The following TAS2R1 variants were observed in gnomAD, a reference collection of about 807,000 sequenced individuals.
TAS2R1 encodes the protein taste 2 receptor member 1.
For synonymous variants in TAS2R1, 141 were observed against 134.2 expected, an observed-to-expected ratio of 1.05 and a Z score of -0.35; for missense variants, 370 against 353.4, an observed-to-expected ratio of 1.05 and a Z score of -0.38.
chr5:9,818,657 C>T, the TAS2R1 span, among the ~76,000 whole-genome samples: 6 of 152,284 alleles, frequency 3.9e-5, no homozygotes, highest in African/African-American at 1.4e-4. Context: ...ACAAGTAAAG[C>T]GTTCAAGATC....
chr5:9,688,466 C>A (rs1421110247), intron 1 of TAS2R1, among the ~76,000 whole-genome samples: 3 of 152,128 alleles, frequency 2.0e-5, no homozygotes, highest in Admixed American at 6.5e-5. Flanking sequence ...TATTTCATGA[C>A]CTCCTCATCC....
the TAS2R1 span, among the ~76,000 whole-genome samples, chr5:9,718,089 A>G: frequency 5.9e-5 from 9 of 151,542 alleles, no homozygotes; most frequent in Non-Finnish European, 1.3e-4. Flanking sequence ...CTTCCTGAGT[A>G]GCTGGGACCA....
At chr5:9,834,172 C>T in the TAS2R1 span, among the ~76,000 whole-genome samples, 2 of 152,080 alleles carry the variant, frequency 1.3e-5, no homozygotes, top group Non-Finnish European at 2.9e-5. Flanking sequence ...CTGCGTCAAG[C>T]GCTCAGGAGC....
chr5:9,815,736 A>G, the TAS2R1 span, among the ~76,000 whole-genome samples: 2 of 152,132 alleles, frequency 1.3e-5, no homozygotes. Flanking sequence ...CATACTCAAC[A>G]TCTCACATGT....
the TAS2R1 span, among the ~76,000 whole-genome samples, chr5:9,832,234 C>T: frequency 1.1e-3 from 169 of 152,312 alleles, no homozygotes; most frequent in Non-Finnish European, 1.9e-3. Flanking sequence ...ACGAGCAACA[C>T]TTTTCCTTCT....
At chr5:9,668,656 A>T (rs1171557143) in intron 1 of TAS2R1, among the ~76,000 whole-genome samples, 4 of 152,202 alleles carry the variant, frequency 2.6e-5, no homozygotes, top group Non-Finnish European at 5.9e-5. Flanking sequence ...ATATCTGGCC[A>T]AATTAAGATT....
chr5:9,642,410 A>T (rs1740103871), intron 2 of TAS2R1, among the ~76,000 whole-genome samples: 2 of 152,204 alleles, frequency 1.3e-5, no homozygotes, highest in African/African-American at 4.8e-5. Flanking sequence ...CAACCCAGAC[A>T]TCCTTTCTGA....
intron 1 of TAS2R1, among the ~76,000 whole-genome samples, chr5:9,664,563 T>C (rs535087933): frequency 7.9e-5 from 12 of 152,362 alleles, no homozygotes; most frequent in Middle Eastern, 3.4e-3. Context: ...CTCTAGAAGA[T>C]GCCACAGTCT....
the TAS2R1 span, among the ~76,000 whole-genome samples, chr5:9,797,966 C>T: frequency 2.0e-5 from 3 of 152,048 alleles, no homozygotes; most frequent in Non-Finnish European, 2.9e-5. Context: ...GCATTATTCA[C>T]GATAGTTTAA....
chr5:9,867,447 A>T, the TAS2R1 span, among the ~76,000 whole-genome samples: 3 of 152,110 alleles, frequency 2.0e-5, no homozygotes, highest in Non-Finnish European at 4.4e-5. Flanking sequence ...GAAAGAGTGT[A>T]TGCAAGGGAT....
At chr5:9,676,076 T>C (rs1010389471) in intron 1 of TAS2R1, among the ~76,000 whole-genome samples, 1 of 152,192 alleles carries the variant, frequency 6.6e-6, no homozygotes, top group South Asian at 2.1e-4. Flanking sequence ...GTGTTAAAAT[T>C]TTGTCAATTT....
At chr5:9,873,960 G>C in the TAS2R1 span, among the ~76,000 whole-genome samples, 2 of 142,962 alleles carry the variant, frequency 1.4e-5, no homozygotes, top group Admixed American at 1.4e-4. Flanking sequence ...AGAAAGAAAA[G>C]AGAGAGAGAG....
At chr5:9,751,824 C>A in the TAS2R1 span, among the ~76,000 whole-genome samples, 1 of 152,200 alleles carries the variant, frequency 6.6e-6, no homozygotes, top group Non-Finnish European at 1.5e-5. Context: ...TTTTCTAACT[C>A]AATGTCCTAA....
chr5:9,738,171 A>T, the TAS2R1 span, among the ~76,000 whole-genome samples: 2 of 152,170 alleles, frequency 1.3e-5, no homozygotes, highest in African/African-American at 4.8e-5. Flanking sequence ...TTCAGGATAA[A>T]CTAGCACATT....
the TAS2R1 span, among the ~76,000 whole-genome samples, chr5:9,738,509 C>T: frequency 6.6e-6 from 1 of 152,196 alleles, no homozygotes; most frequent in African/African-American, 2.4e-5. Context: ...TCCAATAACA[C>T]CACCTTTGTT....
the TAS2R1 span, among the ~76,000 whole-genome samples, chr5:9,858,325 A>G: frequency 6.6e-6 from 1 of 152,112 alleles, no homozygotes; most frequent in South Asian, 2.1e-4. Flanking sequence ...TTACTGTGGC[A>G]GGCCCAGTGT....
the TAS2R1 span, among the ~76,000 whole-genome samples, chr5:9,834,778 C>T: frequency 2.0e-5 from 3 of 150,896 alleles, no homozygotes; most frequent in Non-Finnish European, 4.4e-5. Flanking sequence ...AACCCACAAA[C>T]CTCTGCCCAT....
chr5:9,729,657 C>T, the TAS2R1 span, among the ~76,000 whole-genome samples: 1 of 152,094 alleles, frequency 6.6e-6, no homozygotes, highest in Non-Finnish European at 1.5e-5. Flanking sequence ...TAGTTTAAAG[C>T]AGGCACGCGT....
chr5:9,722,875 T>G, the TAS2R1 span, among the ~76,000 whole-genome samples: 1 of 152,384 alleles, frequency 6.6e-6, no homozygotes, highest in Non-Finnish European at 1.5e-5. Flanking sequence ...CCATCGGCTC[T>G]GCTTTGCCCT....
Sources: gnomAD v4.1 joint callset for allele counts (sites outside exome capture counted in the v4.1 genomes callset) on GRCh38, gnomAD v4.1.1 for gene constraint, MANE v1.5 for transcripts, NCBI Gene and HGNC (gene_info 2026-07-23, HGNC 2026-07-21) for gene names.